The following CA1 variants were observed in gnomAD, a reference collection of about 807,000 sequenced individuals.
The protein encoded by CA1 is carbonate dehydratase I.
Under a neutral mutation model 28.8 loss-of-function variants are expected in CA1, and 27 were observed. The ratio of observed to expected loss-of-function variants is 0.94; its 90% confidence interval spans 0.69 to 1.29. The LOEUF is 1.29. Ranked by LOEUF, CA1 falls within the 50% of genes most tolerant of loss-of-function variation. CA1 has a pLI of 0.00. For missense variants in CA1, 335 were observed against 310.5 expected (o/e 1.08, Z -0.59); for synonymous variants, 121 against 108.8 (o/e 1.11, Z -0.70).
chr8:85,353,138 A>G (rs1211357614), intron 1 of CA1, among the ~76,000 whole-genome samples: 1 of 152,218 alleles, frequency 6.6e-6, no homozygotes, highest in African/African-American at 2.4e-5. Context: ...TAAGCGGGAG[A>G]AAAGTGAAAG....
chr8:85,363,911 T>C (rs1809904333), intron 1 of CA1, among the ~76,000 whole-genome samples: 2 of 152,250 alleles, frequency 1.3e-5, no homozygotes, highest in African/African-American at 4.8e-5. Context: ...CAGATTTTTA[T>C]TTCAATAGTT....
At chr8:85,345,371 C>T (rs183364155) in intron 1 of CA1, among the ~76,000 whole-genome samples, 2 of 152,280 alleles carry the variant, frequency 1.3e-5, no homozygotes, top group Admixed American at 6.5e-5. Flanking sequence ...CCCAGTCACT[C>T]CATTATATCA....
intron 3 of CA1, 154 bp downstream of exon 3, chr8:85,338,098 G>A (rs763310227): frequency 4.8e-5 from 37 of 774,234 alleles, no homozygotes; most frequent in Admixed American, 1.2e-4. Flanking sequence ...CCACCTGGGC[G>A]TTTTCCAGAA....
chr8:85,361,228 C>T (rs112824537), intron 1 of CA1, among the ~76,000 whole-genome samples: 2 of 152,218 alleles, frequency 1.3e-5, no homozygotes, highest in African/African-American at 2.4e-5. Flanking sequence ...CCCTGGCTAT[C>T]GATCTCTTTA....
intron 1 of CA1, among the ~76,000 whole-genome samples, chr8:85,364,740 C>A (rs1238356854): frequency 6.6e-6 from 1 of 152,186 alleles, no homozygotes; most frequent in Non-Finnish European, 1.5e-5. Context: ...GATACCATTT[C>A]TTTCCCTAAG....
At chr8:85,349,299 G>A (rs181535076) in intron 1 of CA1, among the ~76,000 whole-genome samples, 21 of 152,260 alleles carry the variant, frequency 1.4e-4, no homozygotes, top group African/African-American at 5.1e-4. Context: ...TCAAAAGGAA[G>A]AAAGAGGCTT....
At chr8:85,352,238 T>A (rs924462372) in intron 1 of CA1, among the ~76,000 whole-genome samples, 1 of 152,186 alleles carries the variant, frequency 6.6e-6, no homozygotes, top group Admixed American at 6.5e-5. Flanking sequence ...GTGTAAAATT[T>A]GGGCTAGACA....
At chr8:85,376,904 C>A (rs1810439931) in intron 1 of CA1, among the ~76,000 whole-genome samples, 1 of 152,044 alleles carries the variant, frequency 6.6e-6, no homozygotes, top group Non-Finnish European at 1.5e-5. Flanking sequence ...GGCCTTGATT[C>A]TCTGATACAG....
intron 1 of CA1, among the ~76,000 whole-genome samples, chr8:85,342,217 T>C (rs1328673860): frequency 6.6e-6 from 1 of 152,076 alleles, no homozygotes; most frequent in African/African-American, 2.4e-5. Flanking sequence ...ATAAAGTCCA[T>C]TTTGGAGCAA....
intron 2 of CA1, among the ~76,000 whole-genome samples, chr8:85,339,443 C>T (rs1158071140): frequency 2.0e-5 from 3 of 152,174 alleles, no homozygotes; most frequent in Admixed American, 1.3e-4. Flanking sequence ...GTTTTAACTA[C>T]TTTACTGACT....
At chr8:85,355,823 T>A (rs918145848) in intron 1 of CA1, among the ~76,000 whole-genome samples, 40 of 150,338 alleles carry the variant, frequency 2.7e-4, no homozygotes, top group Admixed American at 1.3e-4. Flanking sequence ...CCAAGCCATT[T>A]TGATCAGTGA....
chr8:85,345,184 T>C (rs985865667), intron 1 of CA1, among the ~76,000 whole-genome samples: 8 of 152,212 alleles, frequency 5.3e-5, no homozygotes, highest in African/African-American at 1.7e-4. Context: ...TTGGTAACTT[T>C]ATTCCTTCCA....
chr8:85,354,962 A>G (rs112204655), intron 1 of CA1, among the ~76,000 whole-genome samples: 2,420 of 152,258 alleles, frequency 0.016, 29 homozygotes, highest in South Asian at 0.049. Flanking sequence ...CAGTCTTCCA[A>G]TCTAGACTGT....
chr8:85,365,291 A>T (rs919438122), intron 1 of CA1, among the ~76,000 whole-genome samples: 5 of 152,244 alleles, frequency 3.3e-5, no homozygotes, highest in African/African-American at 1.2e-4. Context: ...TCAGAACAAC[A>T]TGAAAAAATT....
intron 1 of CA1, among the ~76,000 whole-genome samples, chr8:85,367,366 T>C (rs1810049057): frequency 6.6e-6 from 1 of 152,146 alleles, no homozygotes; most frequent in African/African-American, 2.4e-5. Context: ...ATGATGATTA[T>C]ACTCCTAAGA....
chr8:85,357,270 A>G (rs78606818), intron 1 of CA1, among the ~76,000 whole-genome samples: 3,856 of 152,280 alleles, frequency 0.025, 171 homozygotes, highest in African/African-American at 0.088. Flanking sequence ...TTTATCCCCA[A>G]TGTGGAGCGG....
chr8:85,332,634 A>G (rs1808457033), intron 5 of CA1, 82 bp from the exon 6 acceptor site: 4 of 979,358 alleles, frequency 4.1e-6, no homozygotes, highest in South Asian at 1.3e-5. Flanking sequence ...ATTTTTTTTC[A>G]ATTAACAACT....
intron 1 of CA1, among the ~76,000 whole-genome samples, chr8:85,345,616 T>C (rs1287378581): frequency 2.0e-5 from 3 of 152,218 alleles, no homozygotes; most frequent in African/African-American, 7.2e-5. Flanking sequence ...TAAACTATTG[T>C]ATATTTTTAA....
At chr8:85,368,707 A>G (rs1309885381) in intron 1 of CA1, among the ~76,000 whole-genome samples, 2 of 152,076 alleles carry the variant, frequency 1.3e-5, no homozygotes, top group African/African-American at 4.8e-5. Flanking sequence ...GGAGAAAGAG[A>G]AACAGGTAAA....
Sources: allele counts gnomAD v4.1 joint callset (sites outside exome capture counted in the v4.1 genomes callset), GRCh38; gene constraint gnomAD v4.1.1; transcripts MANE v1.5; gene names NCBI Gene and HGNC (gene_info 2026-07-23, HGNC 2026-07-21).